The following AGO2 variants were observed in gnomAD, a reference collection of about 807,000 sequenced individuals.
AGO2 encodes the protein protein argonaute-2.
Under a neutral mutation model 102.3 loss-of-function variants are expected in AGO2, and 5 were observed. The observed-to-expected ratio is 0.05, with a 90% CI of 0.03 to 0.10. The LOEUF is 0.10. Among genes scored for constraint, AGO2 ranks in the 10% least tolerant of loss-of-function variants. The pLI, the probability that AGO2 is intolerant of heterozygous loss-of-function variation, is 1.00. For synonymous variants in AGO2, 449 were observed against 473.1 expected (o/e 0.95, Z 0.66); for missense variants, 541 against 1,183.7 (o/e 0.46, Z 7.97).
chr8:140,629,081 A>T (rs960410629), intron 1 of AGO2, among the ~76,000 whole-genome samples: 9 of 151,956 alleles, frequency 5.9e-5, no homozygotes. Context: ...ACAGAGAGAG[A>T]CTCTGTCTCA....
the AGO2 span, among the ~76,000 whole-genome samples, chr8:140,641,295 A>AACAC: frequency 4.6e-3 from 673 of 146,958 alleles, 1 homozygote; most frequent in East Asian, 0.014. Flanking sequence ...GCTGTCTCAA[A>AACAC]ACACACACAC....
intron 1 of AGO2, among the ~76,000 whole-genome samples, chr8:140,594,825 C>CTGTGTGTGTGTG (rs56012516): frequency 0.064 from 9,296 of 146,038 alleles, 584 homozygotes; most frequent in African/African-American, 0.15. Flanking sequence ...AAGAAAAAAA[C>CTGTGTGTGTGTG]TGTGTGTGTG....
Position 140,584,319 on chromosome 8 carries a change from A to G in AGO2, c.215+800T>C, listed in dbSNP as rs572087666. The stretch of plus-strand genomic sequence containing the variant: ...CTCACCCACCGAAACACACAAAAAA[A>G]CACGCCTGACCACACCGCGTGCTGG... On this transcript the variant is annotated intron_variant, in intron 2 of 18. Coordinates refer to ENST00000220592, the MANE Select transcript of AGO2 (RefSeq NM_012154.5). Among the ~76,000 whole-genome samples the G allele has an allele frequency of 7.2e-5, 11 of 152,268 alleles. No homozygotes were observed. The South Asian group carries it at 2.3e-3, about 32-fold the overall frequency.
rs1385740228 is a variant in AGO2, at chr8:140,607,491, TATATATATATATATATATATATATACAC to T, written c.23-22208_23-22181del. ...ATATATATATATATATATATATATATATATATATATATATATATATATATACACACACACACACGTATGGAAAAAAACA... is the reference window on the plus strand; with the variant it reads ...ATATATATATATATATATATATATATACACACACACGTATGGAAAAAAACA... On this transcript the variant is annotated intron_variant, in intron 1 of 18. Transcript: ENST00000220592. Among the ~76,000 whole-genome samples, 111 of 12,646 alleles carry T rather than the reference TATATATATATATATATATATATATACAC, an allele frequency of 8.8e-3. 3 individuals are homozygous for T. Among genetic ancestry groups the T allele is most frequent in the African/African-American group, 0.03 (105 of 3,546 alleles). 8.3% of individuals were successfully genotyped at this position (12,646 alleles called of 152,430 possible).
In AGO2 at chr8:140,562,373, C is replaced by T. The variant is rs140654271; in HGVS notation, c.518+80G>A. ...CTGGATCCAAGAATGAGCCGTTCCTCGGACAGATTTCAGACCCTGCGGGGG... is the reference window on the plus strand; with the variant it reads ...CTGGATCCAAGAATGAGCCGTTCCTTGGACAGATTTCAGACCCTGCGGGGG... On this transcript the variant is annotated intron_variant, in intron 4 of 18. Transcript: ENST00000220592. 1,665 of 1,500,176 alleles carry T rather than the reference C, an allele frequency of 1.1e-3. 7 individuals carry two copies. In the African/African-American group the frequency reaches 0.016, roughly 14 times the overall value. 92.9% of individuals were successfully genotyped at this position (1,500,176 alleles called of 1,614,324 possible). A position where few individuals can be genotyped will look rare whatever the true frequency, so the allele number is the denominator to read the frequency against.
intron 3 of AGO2, among the ~76,000 whole-genome samples, chr8:140,565,667 G>T (rs538044228): frequency 3.4e-5 from 5 of 148,162 alleles, no homozygotes; most frequent in African/African-American, 1.2e-4. Context: ...AGAAGAAGAA[G>T]AATAAACTAT....
intron 11 of AGO2, among the ~76,000 whole-genome samples, chr8:140,550,403 C>T (rs772844786): frequency 4.7e-4 from 71 of 152,190 alleles, no homozygotes; most frequent in Non-Finnish European, 7.9e-4. Flanking sequence ...AACACAGTCC[C>T]GCTGGGCCCG....
chr8:140,541,014 C>A (rs1564075297), intron 15 of AGO2, 150 bp downstream of exon 15: 1 of 944,690 alleles, frequency 1.1e-6, no homozygotes, highest in Non-Finnish European at 1.5e-6. Context: ...ATCTCCTCCC[C>A]TGGACCCCCT....
At chr8:140,574,974 G>A (rs2073442065) in intron 2 of AGO2, among the ~76,000 whole-genome samples, 1 of 152,172 alleles carries the variant, frequency 6.6e-6, no homozygotes, top group Admixed American at 6.5e-5. Context: ...ATTCAGAATG[G>A]CTTTGCTTGG....
At chr8:140,615,568 GA>G (rs1300779529) in intron 1 of AGO2, among the ~76,000 whole-genome samples, 1 of 152,274 alleles carries the variant, frequency 6.6e-6, no homozygotes, top group Non-Finnish European at 1.5e-5. Context: ...GCCTGGCCAG[GA>G]GCTGACACTT....
At chr8:140,635,368 CGCCG>C in intron 1 of AGO2, 113 bp downstream of exon 1, 2 of 689,660 alleles carry the variant, frequency 2.9e-6, no homozygotes, top group Non-Finnish European at 3.6e-6. Flanking sequence ...CCCCGGCCCC[CGCCG>C]CCCCGACCCC....
intron 1 of AGO2, among the ~76,000 whole-genome samples, chr8:140,595,323 C>T (rs543711036): frequency 6.6e-6 from 1 of 152,188 alleles, no homozygotes; most frequent in South Asian, 2.1e-4. Context: ...ATTATGCACA[C>T]ATACACATTT....
chr8:140,584,846 T>G (rs2073626763), intron 2 of AGO2, among the ~76,000 whole-genome samples: 1 of 152,134 alleles, frequency 6.6e-6, no homozygotes, highest in African/African-American at 2.4e-5. Flanking sequence ...TATATACATT[T>G]GTCGAAATTC....
At chr8:140,559,327 C>G in intron 6 of AGO2, 68 bp downstream of exon 6, 8 of 1,576,870 alleles carry the variant, frequency 5.1e-6, no homozygotes, top group Non-Finnish European at 6.9e-6. Flanking sequence ...CTGCAAAATG[C>G]GGTCCCGGAG....
chr8:140,577,008 C>T (rs1239458175), intron 2 of AGO2, among the ~76,000 whole-genome samples: 2 of 152,052 alleles, frequency 1.3e-5, no homozygotes, highest in Non-Finnish European at 2.9e-5. Context: ...GAGATCGAGA[C>T]CACCCTGGCT....
intron 12 of AGO2, among the ~76,000 whole-genome samples, chr8:140,548,314 T>TAA (rs34521232): frequency 2.9e-3 from 349 of 120,996 alleles, no homozygotes; most frequent in South Asian, 0.015. Flanking sequence ...AGCCCTTGTC[T>TAA]AAAAAAAAAA....
intron 12 of AGO2, 84 bp from the exon 13 acceptor site, chr8:140,547,711 T>C (rs2072925079): frequency 9.8e-6 from 15 of 1,527,010 alleles, no homozygotes; most frequent in Non-Finnish European, 1.3e-5. Flanking sequence ...ACCAGCCCTC[T>C]TGCCCCCATC....
chr8:140,552,733 C>CGCGT (rs2073021040), intron 10 of AGO2, among the ~76,000 whole-genome samples: 1 of 122,372 alleles, frequency 8.2e-6, no homozygotes, highest in Admixed American at 8.3e-5. Flanking sequence ...CATGCACGCG[C>CGCGT]GCGCGCGCAC....
chr8:140,538,055 G>C (rs1376283807), intron 16 of AGO2, among the ~76,000 whole-genome samples: 1 of 151,576 alleles, frequency 6.6e-6, no homozygotes, highest in African/African-American at 2.4e-5. Flanking sequence ...CCTGACCTCA[G>C]GTGACCCACC....
Sources: gnomAD v4.1 joint callset for allele counts (sites outside exome capture counted in the v4.1 genomes callset) on GRCh38, gnomAD v4.1.1 for gene constraint, MANE v1.5 for transcripts, NCBI Gene and HGNC (gene_info 2026-07-23, HGNC 2026-07-21) for gene names.